The following PPEF1 variants were observed in gnomAD, a reference collection of about 807,000 sequenced individuals.
PPEF1 encodes serine/threonine-protein phosphatase with EF-hands 1.
A neutral mutation model predicts 53.3 loss-of-function variants in PPEF1; 12 were observed. The observed-to-expected ratio is 0.23, with a 90% CI of 0.14 to 0.36. The LOEUF is 0.36. Ranked by LOEUF, PPEF1 falls within the 10% of genes least tolerant of loss-of-function variation. The pLI, the probability that PPEF1 is intolerant of heterozygous loss-of-function variation, is 1.00. For synonymous variants in PPEF1, 165 were observed against 176.7 expected (o/e 0.93, Z 0.52); for missense variants, 334 against 490.4 (o/e 0.68, Z 3.01).
chrX:18,782,912 A>T (rs1253032996), intron 8 of PPEF1, among the ~76,000 whole-genome samples: 1 of 108,471 alleles, frequency 9.2e-6, no homozygotes, highest in Non-Finnish European at 1.9e-5. Context: ...CAGGAGTTCG[A>T]GACCAGCCTG....
At chrX:18,799,487 A>G (rs2046508379) in intron 10 of PPEF1, among the ~76,000 whole-genome samples, 1 of 112,302 alleles carries the variant, frequency 8.9e-6, no homozygotes, top group Non-Finnish European at 1.9e-5. Flanking sequence ...AAGGGAAAAT[A>G]TGAAAGAATA....
chrX:18,681,089 G>A (rs1038456099), upstream of PPEF1, among the ~76,000 whole-genome samples: 2 of 111,456 alleles, frequency 1.8e-5, no homozygotes, highest in African/African-American at 6.5e-5. Flanking sequence ...GTGTGCATGT[G>A]TCTTTATAGC....
chrX:18,805,837 A>T (rs185850896), intron 11 of PPEF1, among the ~76,000 whole-genome samples: 13 of 54,853 alleles, frequency 2.4e-4, no homozygotes, highest in Admixed American at 2.2e-3. Flanking sequence ...GCGAGACTCC[A>T]TCTTAAAAAA....
intron 6 of PPEF1, among the ~76,000 whole-genome samples, chrX:18,766,168 G>A (rs747196288): frequency 3.5e-4 from 39 of 110,600 alleles, no homozygotes; most frequent in Non-Finnish European, 2.1e-4. Flanking sequence ...GTAGAGCTTG[G>A]GGGTGATGGT....
chrX:18,714,163 A>G (rs1451477106), intron 1 of PPEF1, among the ~76,000 whole-genome samples: 1 of 110,407 alleles, frequency 9.1e-6, no homozygotes, highest in Non-Finnish European at 1.9e-5. Context: ...TAATCTACAT[A>G]TGTTTTATCT....
At chrX:18,697,513 G>A (rs1398987839) in intron 4 of PPEF1, among the ~76,000 whole-genome samples, 1 of 110,479 alleles carries the variant, frequency 9.1e-6, no homozygotes, top group Non-Finnish European at 1.9e-5. Flanking sequence ...ATCAGGTCTC[G>A]GCCCGTGCAT....
chrX:18,780,522 A>T (rs1889063249), intron 7 of PPEF1, among the ~76,000 whole-genome samples: 1 of 112,228 alleles, frequency 8.9e-6, no homozygotes. Context: ...AGAACAACAC[A>T]ATGTCACCGA....
intron 3 of PPEF1, among the ~76,000 whole-genome samples, chrX:18,735,283 C>T (rs2066990132): frequency 9.0e-6 from 1 of 111,501 alleles, no homozygotes; most frequent in South Asian, 3.8e-4. Flanking sequence ...AGTCTTTAAT[C>T]CATCTTGAAT....
chrX:18,731,873 T>C (rs1337401273), intron 2 of PPEF1, among the ~76,000 whole-genome samples: 1 of 112,370 alleles, frequency 8.9e-6, no homozygotes, highest in East Asian at 2.8e-4. Flanking sequence ...TGGTCTTTGA[T>C]GTCTGGCTTC....
Position 18,749,862 on chromosome X carries a change from T to G in PPEF1, c.306T>G (p.Asp102Glu), listed in dbSNP as rs755899240. Residue 102 changes from aspartate to glutamate, a missense_variant, in exon 4 of 16, where the codon GAT becomes GAG. Coordinates refer to ENST00000470157, the MANE Select transcript of PPEF1 (RefSeq NM_001377996.1). ...RDRWDYVDSI[D>E]VPDSYNGPRL... is the part of the protein sequence containing the mutation. ...GATGGGATTATGTGGACTCGATAGA[T>G]GTCCCAGACTCCTATAATGGTCCTC... 10 of 1,181,374 alleles carry G rather than the reference T, an allele frequency of 8.5e-6. No homozygotes were observed. The highest frequency in any genetic ancestry group is 1.1e-5 in the Non-Finnish European group (10 of 875,537).
At chrX:18,720,628 C>T (rs773099442) in intron 1 of PPEF1, among the ~76,000 whole-genome samples, 1 of 111,444 alleles carries the variant, frequency 9.0e-6, no homozygotes, top group African/African-American at 3.3e-5. Flanking sequence ...AAGAAAAAAC[C>T]CTAATCCTGT....
At chrX:18,821,758 CGAGAGAGAGAGA>C (rs754652406) in intron 13 of PPEF1, among the ~76,000 whole-genome samples, 55 of 28,659 alleles carry the variant, frequency 1.9e-3, no homozygotes, top group South Asian at 8.7e-3. Context: ...GAAACCATGG[CGAGAGAGAGAGA>C]GAGAGAGAGA....
At chrX:18,693,701 G>A (rs917049248) in intron 4 of PPEF1, among the ~76,000 whole-genome samples, 25 of 111,833 alleles carry the variant, frequency 2.2e-4, no homozygotes, top group African/African-American at 8.1e-4. Flanking sequence ...CAAGTAGCTG[G>A]GATTACAGGT....
At chrX:18,821,707 C>T (rs940564761) in intron 13 of PPEF1, among the ~76,000 whole-genome samples, 4 of 107,871 alleles carry the variant, frequency 3.7e-5, no homozygotes, top group African/African-American at 1.4e-4. Flanking sequence ...CCACTGTGCC[C>T]GGCCAAAAAA....
At chrX:18,816,230 C>A (rs1186803988) in intron 12 of PPEF1, among the ~76,000 whole-genome samples, 1 of 111,428 alleles carries the variant, frequency 9.0e-6, no homozygotes, top group South Asian at 3.7e-4. Context: ...TTTCTGACTT[C>A]TCCTGTGATT....
upstream of PPEF1, among the ~76,000 whole-genome samples, chrX:18,680,723 C>T (rs1021756136): frequency 3.7e-5 from 4 of 108,277 alleles, no homozygotes; most frequent in African/African-American, 6.7e-5. Flanking sequence ...CCCATTAACT[C>T]GTCGTTTAGC....
chrX:18,722,804 G>A (rs1463755238), intron 1 of PPEF1, among the ~76,000 whole-genome samples: 2 of 110,570 alleles, frequency 1.8e-5, no homozygotes, highest in African/African-American at 6.6e-5. Context: ...AATAAGGAAG[G>A]AGATAGGCGA....
intron 12 of PPEF1, among the ~76,000 whole-genome samples, chrX:18,815,139 T>C (rs2046879982): frequency 2.7e-5 from 3 of 111,993 alleles, no homozygotes; most frequent in South Asian, 7.4e-4. Flanking sequence ...TGTGTTAATA[T>C]GGTATATTAC....
upstream of PPEF1, among the ~76,000 whole-genome samples, chrX:18,679,221 G>T (rs1928787907): frequency 8.9e-6 from 1 of 111,845 alleles, no homozygotes; most frequent in Non-Finnish European, 1.9e-5. Flanking sequence ...TCACAGGCGT[G>T]CGCCACCACA....
Sources: allele counts gnomAD v4.1 joint callset (sites outside exome capture counted in the v4.1 genomes callset), GRCh38; gene constraint gnomAD v4.1.1; transcripts MANE v1.5; gene names NCBI Gene and HGNC (gene_info 2026-07-23, HGNC 2026-07-21).